CAPZB: variants seen among roughly 807,000 people sequenced by gnomAD.
The protein encoded by CAPZB is F-actin-capping protein subunit beta.
Under a neutral mutation model 38.1 loss-of-function variants are expected in CAPZB, and 2 were observed. The ratio of observed to expected loss-of-function variants is 0.05; its 90% CI spans 0.02 to 0.17. The LOEUF (loss-of-function observed/expected upper bound fraction) is 0.17. Ranked by LOEUF, CAPZB falls within the 10% of genes least tolerant of loss-of-function variation. The pLI is 1.00. For synonymous variants in CAPZB, 107 were observed against 127.4 expected (o/e 0.84, Z 1.08); for missense variants, 161 against 334.2 (o/e 0.48, Z 4.04).
chr1:19,414,030 G>A (rs145074583), intron 2 of CAPZB, among the ~76,000 whole-genome samples: 167 of 152,258 alleles, frequency 1.1e-3, no homozygotes, highest in African/African-American at 3.4e-3. Context: ...CATCCTTAAC[G>A]TCACCAGTCA....
chr1:19,419,524 T>A (rs930799560), intron 2 of CAPZB, 137 bp downstream of exon 2: 14 of 606,284 alleles, frequency 2.3e-5, no homozygotes, highest in Non-Finnish European at 4.2e-5. Context: ...CCTGGAGGAA[T>A]CTCATAGTCC....
chr1:19,339,329 T>C lies in CAPZB; in HGVS notation c.*201A>G. On this transcript the variant is annotated 3_prime_UTR_variant, in exon 9 of 9. Transcript: ENST00000264202. ...AATGTGGAGAGAACTGAGAGCGAGG[T>C]GTGGCAGAAGCAGGCTCGGAGCCGG... 1 of 618,418 alleles carries C rather than the reference T, an allele frequency of 1.6e-6. No individual in the cohort carries two copies. The highest frequency in any genetic ancestry group is 2.9e-6 in the Non-Finnish European group (1 of 346,276). 38.3% of individuals were successfully genotyped at this position (618,418 alleles called of 1,614,324 possible).
Position 19,363,670 on chromosome 1 carries a change from G to A in CAPZB, c.330-6107C>T, listed in dbSNP as rs140179337. On this transcript the variant is annotated intron_variant, in intron 4 of 8. Coordinates refer to ENST00000264202, the MANE Select transcript of CAPZB (RefSeq NM_004930.5). ...TGGAGTGTCTGAAGCTGAGGTGTGC[G>A]TGGGGTGGAAACGTGCTCGGGGAAT... is the stretch of plus-strand genomic sequence containing the variant. 1.4e-3 allele frequency among the ~76,000 whole-genome samples: 219 copies of A among 152,294 alleles called. 1 individual carries two copies. The highest frequency in any genetic ancestry group is 5.1e-3 in the African/African-American group (210 of 41,570).
chr1:19,394,754 T>C (rs894921243), intron 2 of CAPZB, among the ~76,000 whole-genome samples: 33 of 152,006 alleles, frequency 2.2e-4, no homozygotes, highest in Non-Finnish European at 3.8e-4. Context: ...ACAAAAAAAG[T>C]GAGCAAGCCA....
At chr1:19,381,973 T>C (rs1167811169) in intron 3 of CAPZB, among the ~76,000 whole-genome samples, 1 of 151,964 alleles carries the variant, frequency 6.6e-6, no homozygotes, top group African/African-American at 2.4e-5. Flanking sequence ...AATCTGAGGG[T>C]GTGGAGCTGA....
chr1:19,444,520 C>T (rs1473020926), intron 1 of CAPZB, among the ~76,000 whole-genome samples: 1 of 152,230 alleles, frequency 6.6e-6, no homozygotes, highest in Non-Finnish European at 1.5e-5. Flanking sequence ...CTAGCCCCAT[C>T]TAGATTATAA....
At position 19,407,367 on chromosome 1, in the gene CAPZB, C is replaced by A. The variant is rs1301622163; in HGVS notation, c.93+12294G>T. 5.3e-5 allele frequency among the ~76,000 whole-genome samples: 8 copies of A among 152,242 alleles called. No individual in the cohort carries two copies. In the South Asian group the frequency reaches 1.7e-3, roughly 32 times the overall value. On this transcript the variant is annotated intron_variant, in intron 2 of 8. Coordinates refer to ENST00000264202, the MANE Select transcript of CAPZB (RefSeq NM_004930.5). Reference sequence around the variant, plus strand: ...CAGTCCCAGGAGAGGCCCAGAGATACAGAACAGAGGCCCATCACTGGGAGG... The same window carrying A: ...CAGTCCCAGGAGAGGCCCAGAGATAAAGAACAGAGGCCCATCACTGGGAGG...
At chr1:19,417,756 G>A (rs940979254) in intron 2 of CAPZB, among the ~76,000 whole-genome samples, 2 of 151,928 alleles carry the variant, frequency 1.3e-5, no homozygotes, top group Admixed American at 1.3e-4. Context: ...CTGCCCGACC[G>A]CCCCCAGCTC....
intron 6 of CAPZB, among the ~76,000 whole-genome samples, chr1:19,345,895 A>G (rs77061756): frequency 1.4e-4 from 21 of 152,340 alleles, no homozygotes; most frequent in African/African-American, 5.1e-4. Context: ...TTTGAGCAAG[A>G]GAGTCTCAAT....
chr1:19,429,440 C>T (rs574624082), intron 1 of CAPZB, among the ~76,000 whole-genome samples: 43 of 152,260 alleles, frequency 2.8e-4, no homozygotes, highest in Middle Eastern at 3.4e-3. Context: ...GGCAGAGATA[C>T]GATATACTAA....
At chr1:19,354,417 C>T (rs898650463) in intron 6 of CAPZB, among the ~76,000 whole-genome samples, 6 of 152,326 alleles carry the variant, frequency 3.9e-5, no homozygotes, top group African/African-American at 1.4e-4. Context: ...ATTTGTCTAC[C>T]TCATTGCAAT....
intron 2 of CAPZB, among the ~76,000 whole-genome samples, chr1:19,390,534 A>C (rs1295423536): frequency 6.6e-6 from 1 of 152,258 alleles, no homozygotes; most frequent in Non-Finnish European, 1.5e-5. Context: ...TGGTCAGGAC[A>C]GTGCCTGCCG....
chr1:19,444,755 A>G (rs1315476784), intron 1 of CAPZB, among the ~76,000 whole-genome samples: 2 of 152,146 alleles, frequency 1.3e-5, no homozygotes, highest in African/African-American at 4.8e-5. Context: ...TTTTATTTTT[A>G]TTTTTGAGAT....
At chr1:19,418,102 C>G (rs899464565) in intron 2 of CAPZB, among the ~76,000 whole-genome samples, 1 of 119,334 alleles carries the variant, frequency 8.4e-6, no homozygotes, top group Non-Finnish European at 1.6e-5. Flanking sequence ...CCCCACTGCA[C>G]TACAGCCCGG....
intron 4 of CAPZB, among the ~76,000 whole-genome samples, chr1:19,368,199 A>G (rs1370483404): frequency 6.6e-6 from 1 of 152,170 alleles, no homozygotes; most frequent in Non-Finnish European, 1.5e-5. Context: ...GGCTGGCCCC[A>G]GTGCCCATAT....
intron 4 of CAPZB, among the ~76,000 whole-genome samples, chr1:19,368,346 A>G (rs2094101317): frequency 6.6e-6 from 1 of 152,128 alleles, no homozygotes; most frequent in South Asian, 2.1e-4. Flanking sequence ...CAGCTGCCCC[A>G]AAGAGGAGAA....
chr1:19,448,959 AG>A (rs2094505386), intron 1 of CAPZB: 1 of 1,610,846 alleles, frequency 6.2e-7, no homozygotes, highest in Non-Finnish European at 8.5e-7. Flanking sequence ...CAGGCAGGGG[AG>A]GCGAGGGGGC....
chr1:19,436,361 C>T lies in CAPZB; in HGVS notation c.4-16611G>A, dbSNP rs150338882. ...CACTGTCATGGTGTCACAGTGCTTG[C>T]GTTCAAGTTACCCTTATTTTGCTTC... On this transcript the variant is annotated intron_variant, in intron 1 of 8. Transcript: ENST00000264202. Among the ~76,000 whole-genome samples the T allele has an allele frequency of 5.9e-5, 9 of 152,270 alleles. No individual in the cohort carries two copies. The South Asian group carries it at 8.3e-4, about 14-fold the overall frequency.
At chr1:19,412,719 A>C (rs2094362568) in intron 2 of CAPZB, among the ~76,000 whole-genome samples, 1 of 152,222 alleles carries the variant, frequency 6.6e-6, no homozygotes, top group Non-Finnish European at 1.5e-5. Context: ...TGGGGAAAGA[A>C]TGAGAAGCGC....
Sources: allele counts gnomAD v4.1 joint callset (sites outside exome capture counted in the v4.1 genomes callset), GRCh38; gene constraint gnomAD v4.1.1; transcripts MANE v1.5; gene names NCBI Gene and HGNC (gene_info 2026-07-23, HGNC 2026-07-21).